The following SPTBN1 variants were observed in gnomAD, a reference collection of about 807,000 sequenced individuals.
The protein encoded by SPTBN1 is spectrin beta, non-erythrocytic 1.
In SPTBN1, 32 loss-of-function variants were observed where a neutral mutation model predicts 266.4. That is an observed-to-expected ratio of 0.12 (90% CI 0.09 to 0.16). The LOEUF (loss-of-function observed/expected upper bound fraction) is 0.16. Ranked by LOEUF, SPTBN1 falls within the 10% of genes least tolerant of loss-of-function variation. SPTBN1 has a pLI of 1.00. For missense variants in SPTBN1, 2,296 were observed against 3,067.1 expected (o/e 0.75, Z 5.94); for synonymous variants, 1,336 against 1,162.2 (o/e 1.15, Z -3.04).
At chr2:54,623,667 C>T in intron 10 of SPTBN1, 71 bp downstream of exon 10, 1 of 1,240,972 alleles carries the variant, frequency 8.1e-7, no homozygotes, top group East Asian at 2.4e-5. Context: ...TAGGTCTCGA[C>T]TGCTAAGAGG....
chr2:54,563,062 T>C (rs1454814940), intron 2 of SPTBN1, among the ~76,000 whole-genome samples: 2 of 152,158 alleles, frequency 1.3e-5, no homozygotes, highest in African/African-American at 4.8e-5. Context: ...AAATAACTCA[T>C]CCAAGTTCAC....
intron 1 of SPTBN1, among the ~76,000 whole-genome samples, chr2:54,485,932 A>C: frequency 7.0e-6 from 1 of 141,876 alleles, no homozygotes. Context: ...CCGTCTGAGA[A>C]GTGAGGAGAC....
intron 2 of SPTBN1, among the ~76,000 whole-genome samples, chr2:54,597,112 G>A (rs1378200201): frequency 1.3e-5 from 2 of 152,138 alleles, no homozygotes; most frequent in Non-Finnish European, 2.9e-5. Context: ...GACATTTTCT[G>A]ACTCCAGTAT....
At position 54,526,475 on chromosome 2, in the gene SPTBN1, T is replaced by C. The variant is rs1484510243; in HGVS notation, c.57T>C (p.Ser19=). The C allele has an allele frequency of 6.2e-7, 1 of 1,614,168 alleles. No homozygotes were observed. Among genetic ancestry groups the C allele is most frequent in the Non-Finnish European group, 8.5e-7 (1 of 1,180,028 alleles). The part of the protein sequence containing the change: ...YDNIEIQQQY[S]DVNNRWDVDD... ...ACATTGAGATCCAGCAGCAGTACAG[T>C]GATGTCAACAACCGCTGGGATGTCG... Residue 19 remains serine (S), a synonymous_variant, in exon 2 of 36, where the codon AGT becomes AGC. Transcript: ENST00000356805.
chr2:54,504,355 G>C (rs972334128), intron 1 of SPTBN1, among the ~76,000 whole-genome samples: 1 of 152,156 alleles, frequency 6.6e-6, no homozygotes, highest in Non-Finnish European at 1.5e-5. Context: ...TAAAATCCTA[G>C]ACTTAAGGAT....
intron 1 of SPTBN1, among the ~76,000 whole-genome samples, chr2:54,523,651 AG>A (rs1670622103): frequency 6.6e-6 from 1 of 152,218 alleles, no homozygotes; most frequent in African/African-American, 2.4e-5. Flanking sequence ...CTGCATTTCA[AG>A]CACGATAAAT....
chr2:54,498,610 A>G (rs578065547), intron 1 of SPTBN1, among the ~76,000 whole-genome samples: 1 of 152,352 alleles, frequency 6.6e-6, no homozygotes, highest in South Asian at 2.1e-4. Context: ...TAAAAGCTAT[A>G]TCAGTGTTTC....
At chr2:54,589,200 C>T (rs1200735597) in intron 2 of SPTBN1, among the ~76,000 whole-genome samples, 4 of 152,172 alleles carry the variant, frequency 2.6e-5, no homozygotes, top group East Asian at 1.9e-4. Flanking sequence ...CTCTTATTTT[C>T]GGAGAAAGCC....
intron 2 of SPTBN1, among the ~76,000 whole-genome samples, chr2:54,544,134 G>T (rs374558295): frequency 6.6e-6 from 1 of 152,136 alleles, no homozygotes; most frequent in Non-Finnish European, 1.5e-5. Context: ...ATTATATCCC[G>T]TGTTACAGAT....
chr2:54,614,157 G>A (rs970519987), intron 4 of SPTBN1, among the ~76,000 whole-genome samples: 2 of 152,176 alleles, frequency 1.3e-5, no homozygotes, highest in East Asian at 3.8e-4. Context: ...CAGTGTTGTT[G>A]TCTTAAATGA....
intron 1 of SPTBN1, among the ~76,000 whole-genome samples, chr2:54,472,122 G>T (rs1693960885): frequency 2.2e-5 from 3 of 138,124 alleles, no homozygotes; most frequent in African/African-American, 8.3e-5. Flanking sequence ...CCGCCTCCTG[G>T]GTTCACACCA....
intron 2 of SPTBN1, among the ~76,000 whole-genome samples, chr2:54,577,462 G>A (rs1315160204): frequency 1.3e-5 from 2 of 152,124 alleles, no homozygotes; most frequent in South Asian, 4.1e-4. Context: ...CAAAAGAAAA[G>A]GTATATGGAT....
chr2:54,659,209 C>A lies in SPTBN1; in HGVS notation c.6299C>A (p.Pro2100Gln), dbSNP rs769504742. Residue 2100 changes from proline to glutamine, a missense_variant, in exon 31 of 36, where the codon CCG becomes CAG. Around this residue, in one of 12 missense-constraint regions of SPTBN1, gnomAD observed 347 missense variants for 368.5 expected, o/e 0.94. Transcript: ENST00000356805. ...QQEEEERKRR[P>Q]PSPEPSTKVS... ...GAGGAAGAGGAGAGGAAGAGGCGGC[C>A]GCCTTCTCCCGAGCCGAGCACGAAG... The A allele has an allele frequency of 3.1e-6, 5 of 1,614,048 alleles. No individual in the cohort carries two copies. The highest frequency in any genetic ancestry group is 2.7e-5 in the African/African-American group (2 of 75,012).
At chr2:54,627,616 T>TA (rs1678441153) in intron 12 of SPTBN1, among the ~76,000 whole-genome samples, 1 of 152,246 alleles carries the variant, frequency 6.6e-6, no homozygotes, top group Non-Finnish European at 1.5e-5. Context: ...AACATTCACT[T>TA]ACAGGCTCAG....
chr2:54,627,635 A>G (rs1015361592), intron 12 of SPTBN1, among the ~76,000 whole-genome samples: 2 of 152,242 alleles, frequency 1.3e-5, no homozygotes, highest in African/African-American at 4.8e-5. Flanking sequence ...AGCAACTTCT[A>G]AAAGATTTCT....
intron 2 of SPTBN1, chr2:54,557,668 C>T (rs762402922): frequency 1.0e-6 from 1 of 964,900 alleles, no homozygotes; most frequent in Non-Finnish European, 1.2e-6. Flanking sequence ...CGGTGTTTAC[C>T]TGTGTACCTT....
At chr2:54,630,160 T>G in intron 15 of SPTBN1, 131 bp downstream of exon 15, 5 of 1,204,856 alleles carry the variant, frequency 4.1e-6, no homozygotes, top group Non-Finnish European at 5.7e-6. Flanking sequence ...TGTCATGGCA[T>G]TGGCACCTGC....
At chr2:54,512,168 C>G in intron 1 of SPTBN1, among the ~76,000 whole-genome samples, 1 of 152,260 alleles carries the variant, frequency 6.6e-6, no homozygotes, top group Non-Finnish European at 1.5e-5. Context: ...CTTGCTTGTC[C>G]GCTGCTCACC....
At chr2:54,572,917 G>T (rs886829748) in intron 2 of SPTBN1, among the ~76,000 whole-genome samples, 2 of 152,164 alleles carry the variant, frequency 1.3e-5, no homozygotes, top group Non-Finnish European at 2.9e-5. Context: ...TGTGACCCAC[G>T]GCCCAGGAGC....
Sources: gnomAD v4.1 joint callset for allele counts (sites outside exome capture counted in the v4.1 genomes callset) on GRCh38, gnomAD v4.1.1 for gene constraint, gnomAD v4.1.1 regional missense constraint, MANE v1.5 for transcripts, NCBI Gene and HGNC (gene_info 2026-07-23, HGNC 2026-07-21) for gene names.